The following LARP6 variants were observed in gnomAD, a reference collection of about 807,000 sequenced individuals.
The protein encoded by LARP6 is La ribonucleoprotein 6, translational regulator.
A neutral mutation model predicts 32.8 loss-of-function variants in LARP6; 18 were observed. That is an observed-to-expected ratio of 0.55 (90% CI 0.38 to 0.81). The LOEUF is 0.81. Among genes scored for constraint, LARP6 ranks in the 40% least tolerant of loss-of-function variants. LARP6 has a pLI of 0.00. For missense variants in LARP6, 598 were observed against 663.1 expected (o/e 0.90, Z 1.08); for synonymous variants, 289 against 267.2 (o/e 1.08, Z -0.80).
At chr15:70,833,458 T>C (rs537668730) in intron 2 of LARP6, among the ~76,000 whole-genome samples, 1 of 152,198 alleles carries the variant, frequency 6.6e-6, no homozygotes, top group Non-Finnish European at 1.5e-5. Context: ...CACCTCTAGC[T>C]TGAAGTAAGA....
intron 1 of LARP6, among the ~76,000 whole-genome samples, chr15:70,837,553 G>A (rs184173661): frequency 9.2e-5 from 14 of 152,102 alleles, no homozygotes; most frequent in Middle Eastern, 3.4e-3. Context: ...TTGACCTTTC[G>A]GTAAGATCAT....
chr15:70,838,912 CAAA>C (rs1555422818), intron 1 of LARP6, among the ~76,000 whole-genome samples: 1 of 102,882 alleles, frequency 9.7e-6, no homozygotes, highest in African/African-American at 4.6e-5. Context: ...CTCAGCCTCA[CAAA>C]AAAAAAAAAA....
Position 70,832,434 on chromosome 15 carries a change from C to T in LARP6, c.1094G>A (p.Gly365Asp). The T allele has an allele frequency of 6.3e-7, 1 of 1,579,042 alleles. No homozygotes were observed. The highest frequency in any genetic ancestry group is 8.6e-7 in the Non-Finnish European group (1 of 1,163,622). The part of the protein sequence containing the change: ...HAATNKLSPS[G>D]HQNLFLSPNA... ...TGGACTCAGAAAGAGATTCTGGTGG[C>T]CAGACGGGCTGAGCTTGTTGGTGGC... The change falls in exon 3 of 3, where the codon GGC (glycine) becomes GAC (aspartate). Residue 365 changes from glycine to aspartate, a missense_variant. By Grantham distance (94) the Gly-to-Asp change is moderately conservative. Coordinates refer to ENST00000299213, the MANE Select transcript of LARP6 (RefSeq NM_018357.4).
At chr15:70,846,378 G>A (rs1936923874) in intron 1 of LARP6, among the ~76,000 whole-genome samples, 1 of 152,218 alleles carries the variant, frequency 6.6e-6, no homozygotes, top group African/African-American at 2.4e-5. Context: ...GGAGGCCAAG[G>A]CCGGAGGGTC....
chr15:70,854,136 A>G lies in LARP6; in HGVS notation c.-48T>C, dbSNP rs1427634889. 65 of 1,202,246 alleles carry G rather than the reference A, an allele frequency of 5.4e-5. No homozygotes were observed. The highest frequency in any genetic ancestry group is 6.4e-5 in the Non-Finnish European group (62 of 965,148). The allele number at this position is 1,202,246 out of a possible 1,614,324, so 74.5% of individuals were successfully genotyped here. A position where few individuals can be genotyped will look rare whatever the true frequency, so the allele number is the denominator to read the frequency against. ...CCGGGGTCCTCACGCCGCAAGGCCC[A>G]GCCAGCCGGTCGGCAGCGACTGCGA... is the stretch of plus-strand genomic sequence containing the variant. On this transcript the variant is annotated 5_prime_UTR_variant, in exon 1 of 3. Transcript: ENST00000299213.
Position 70,829,249 on chromosome 15 carries a change from C to G in LARP6, c.*2803G>C, listed in dbSNP as rs1026814877. On this transcript the variant is annotated 3_prime_UTR_variant, in exon 3 of 3. Coordinates refer to ENST00000299213, the MANE Select transcript of LARP6 (RefSeq NM_018357.4). ...CGCCTCCCAGGTTCAAGCAATTCTC[C>G]TGCCTCCGCCTCCCAAGTAGCTGGG... 2.0e-5 allele frequency: 3 copies of G among 152,452 alleles called. No homozygotes were observed. The highest frequency in any genetic ancestry group is 4.4e-5 in the Non-Finnish European group (3 of 68,256). 9.4% of individuals were successfully genotyped at this position (152,452 alleles called of 1,614,324 possible). A position where few individuals can be genotyped will look rare whatever the true frequency, so the allele number is the denominator to read the frequency against.
chr15:70,831,859 C>A lies in LARP6; in HGVS notation c.*193G>T. 4.8e-6 allele frequency: 2 copies of A among 414,598 alleles called. No individual in the cohort carries two copies. Among genetic ancestry groups the A allele is most frequent in the Non-Finnish European group, 8.5e-6 (2 of 235,736 alleles). 25.7% of individuals were successfully genotyped at this position (414,598 alleles called of 1,614,324 possible). On this transcript the variant is annotated 3_prime_UTR_variant, in exon 3 of 3. Coordinates refer to ENST00000299213, the MANE Select transcript of LARP6 (RefSeq NM_018357.4). ...TGGCCATGCTGGGAAGAACAGGAGT[C>A]CTGAACTAGAAGGTGGTCTTCAAAC...
chr15:70,833,225 T>TGTG, intron 2 of LARP6, 109 bp from the exon 3 acceptor site: 2 of 813,320 alleles, frequency 2.5e-6, no homozygotes, highest in Non-Finnish European at 4.1e-6. Flanking sequence ...CTAGAATCCC[T>TGTG]GTATTCTAGT....
chr15:70,853,953 G>A lies in LARP6; in HGVS notation c.136C>T (p.Pro46Ser), dbSNP rs550545328. 641 of 1,451,352 alleles carry A rather than the reference G, an allele frequency of 4.4e-4. 7 individuals are homozygous for A. Among genetic ancestry groups the A allele is most frequent in the South Asian group, 3.7e-3 (276 of 74,290 alleles). The allele number at this position is 1,451,352 out of a possible 1,614,324, so 89.9% of individuals were successfully genotyped here. A position where few individuals can be genotyped will look rare whatever the true frequency, so the allele number is the denominator to read the frequency against. ...CAGCCGGGGCTGAGGTACCGGGCCG[G>A]GTCCCCGGCGCCCCGAGTCTCCGCC... ...EGAETRGAGDPARYLSPGWGS... is the reference protein window; with the variant it reads ...EGAETRGAGDSARYLSPGWGS... Residue 46 changes from proline to serine, a missense_variant, in exon 1 of 3, where the codon CCG becomes TCG. Physicochemically the swap from Pro to Ser is moderately conservative, Grantham distance 74 (BLOSUM62 -1). This residue lies in a region of LARP6 where 161 missense variants were observed against 148.6 expected (regional missense o/e 1.08). Coordinates refer to ENST00000299213, the MANE Select transcript of LARP6 (RefSeq NM_018357.4).
At chr15:70,848,953 G>A (rs568397281) in intron 1 of LARP6, 2 of 152,278 alleles carry the variant, frequency 1.3e-5, no homozygotes, top group South Asian at 2.1e-4. Flanking sequence ...AAGTAATTAT[G>A]TTAATGTTAT....
chr15:70,842,556 T>C (rs116215627), intron 1 of LARP6, among the ~76,000 whole-genome samples: 418 of 152,276 alleles, frequency 2.7e-3, no homozygotes, highest in African/African-American at 9.5e-3. Flanking sequence ...GACAATCTGA[T>C]GTAGCATCAG....
At chr15:70,851,732 A>G in intron 1 of LARP6, 1 of 1,614,054 alleles carries the variant, frequency 6.2e-7, no homozygotes, top group Non-Finnish European at 8.5e-7. Flanking sequence ...TGTGAGGGAG[A>G]CACAATGATA....
chr15:70,833,139 G>A (rs1047609788), intron 2 of LARP6, 23 bp from the exon 3 acceptor site: 1 of 1,592,618 alleles, frequency 6.3e-7, no homozygotes, highest in African/African-American at 1.3e-5. Flanking sequence ...AAGCAAATCT[G>A]AAATAGTATC....
At chr15:70,849,733 G>A (rs908334841) in intron 1 of LARP6, 2 of 152,202 alleles carry the variant, frequency 1.3e-5, no homozygotes, top group African/African-American at 4.8e-5. Context: ...ATTAAAAAGT[G>A]AATAAATACA....
chr15:70,852,479 C>T (rs1002595981), intron 1 of LARP6: 63 of 262,674 alleles, frequency 2.4e-4, no homozygotes, highest in African/African-American at 1.4e-3. Context: ...CAAATTTAGC[C>T]CTCAGGATAG....
At chr15:70,853,858 G>A (rs2032562760) in intron 1 of LARP6, 31 bp downstream of exon 1, 2 of 1,235,974 alleles carry the variant, frequency 1.6e-6, no homozygotes, top group East Asian at 3.3e-5. Flanking sequence ...CCCCCTCGGG[G>A]CCCACCTCCC....
chr15:70,832,712 G>A lies in LARP6; in HGVS notation c.816C>T (p.Ala272=). 2 of 1,601,666 alleles carry A rather than the reference G, an allele frequency of 1.2e-6. No homozygotes were observed. The highest frequency in any genetic ancestry group is 1.7e-6 in the Non-Finnish European group (2 of 1,175,176). The part of the protein sequence containing the change: ...EFEEVEAAIK[A]HEFMITESQG... ...GAGATTCTGTGATCATGAACTCATG[G>A]GCTTTGATGGCTGCTTCCACCTCCT... Residue 272 remains alanine (A), a synonymous_variant, in exon 3 of 3, where the codon GCC becomes GCT. Transcript: ENST00000299213.
chr15:70,831,963 C>T lies in LARP6; in HGVS notation c.*89G>A, dbSNP rs1296122928. 1.9e-5 allele frequency: 17 copies of T among 885,724 alleles called. No individual in the cohort carries two copies. Among genetic ancestry groups the T allele is most frequent in the Admixed American group, 2.7e-5 (1 of 37,562 alleles). 54.9% of individuals were successfully genotyped at this position (885,724 alleles called of 1,614,324 possible). On this transcript the variant is annotated 3_prime_UTR_variant, in exon 3 of 3. Coordinates refer to ENST00000299213, the MANE Select transcript of LARP6 (RefSeq NM_018357.4). ...GAATAAAAAATCTCTCAAAGGGGAACGAATTCCATTCTGTCATGCCAGGTG... is the reference window on the plus strand; with the variant it reads ...GAATAAAAAATCTCTCAAAGGGGAATGAATTCCATTCTGTCATGCCAGGTG...
chr15:70,842,537 T>C (rs2032276558), intron 1 of LARP6, among the ~76,000 whole-genome samples: 1 of 152,128 alleles, frequency 6.6e-6, no homozygotes, highest in Non-Finnish European at 1.5e-5. Flanking sequence ...TGCCAGACAT[T>C]TCCACTAGGA....
Sources: gnomAD v4.1 joint callset for allele counts (sites outside exome capture counted in the v4.1 genomes callset) on GRCh38, gnomAD v4.1.1 for gene constraint, gnomAD v4.1.1 regional missense constraint, MANE v1.5 for transcripts, NCBI Gene and HGNC (gene_info 2026-07-23, HGNC 2026-07-21) for gene names.